EXT1: variants seen among roughly 807,000 people sequenced by gnomAD.
EXT1 encodes the protein exostosin glycosyltransferase 1.
In EXT1, 20 loss-of-function variants were observed where a neutral mutation model predicts 82.5. That is an observed-to-expected ratio of 0.24 (90% CI 0.17 to 0.35). The LOEUF (loss-of-function observed/expected upper bound fraction) is 0.35. Among genes scored for constraint, EXT1 ranks in the 10% least tolerant of loss-of-function variants. EXT1 has a pLI of 1.00. For synonymous variants in EXT1, 348 were observed against 350.8 expected, an observed-to-expected ratio of 0.99 and a Z score of 0.09; for missense variants, 757 against 936.5, an observed-to-expected ratio of 0.81 and a Z score of 2.50.
Position 117,921,358 on chromosome 8 carries a change from G to T in EXT1, c.963-84157C>A, listed in dbSNP as rs11562779. Among the ~76,000 whole-genome samples, 974 of 152,248 alleles carry T rather than the reference G, an allele frequency of 6.4e-3. 12 individuals are homozygous for T. Among genetic ancestry groups the T allele is most frequent in the African/African-American group, 0.021 (881 of 41,524 alleles). On this transcript the variant is annotated intron_variant, in intron 1 of 10. Coordinates refer to ENST00000378204, the MANE Select transcript of EXT1 (RefSeq NM_000127.3). The stretch of plus-strand genomic sequence containing the variant: ...CAGACCCAGTGAGACACATAAAAGG[G>T]AATCCTGTCACTCATCAAAGACAGA...
intron 1 of EXT1, among the ~76,000 whole-genome samples, chr8:117,960,388 T>A (rs1478261729): frequency 6.6e-6 from 1 of 152,226 alleles, no homozygotes; most frequent in African/African-American, 2.4e-5. Flanking sequence ...ACCTCAACTT[T>A]GCTTTCTTTG....
At chr8:118,040,502 G>C (rs1284433251) in intron 1 of EXT1, among the ~76,000 whole-genome samples, 1 of 152,156 alleles carries the variant, frequency 6.6e-6, no homozygotes, top group Non-Finnish European at 1.5e-5. Flanking sequence ...AACTCTGTCA[G>C]TGGACATTTC....
At chr8:117,934,382 G>A (rs777225643) in intron 1 of EXT1, among the ~76,000 whole-genome samples, 4 of 152,238 alleles carry the variant, frequency 2.6e-5, no homozygotes, top group South Asian at 2.1e-4. Flanking sequence ...CAGTCCATGC[G>A]CCTCTGGTAG....
chr8:117,918,072 T>C (rs1813788229), intron 1 of EXT1, among the ~76,000 whole-genome samples: 1 of 152,130 alleles, frequency 6.6e-6, no homozygotes, highest in African/African-American at 2.4e-5. Flanking sequence ...GCCAAATGAC[T>C]TCCTTGCTGA....
chr8:117,808,642 T>C (rs1411771827), intron 8 of EXT1, among the ~76,000 whole-genome samples: 3 of 152,194 alleles, frequency 2.0e-5, no homozygotes, highest in African/African-American at 4.8e-5. Context: ...GTCCTGGCAC[T>C]GTGATGGTAG....
At chr8:117,874,916 G>C (rs1812940493) in intron 1 of EXT1, among the ~76,000 whole-genome samples, 1 of 152,204 alleles carries the variant, frequency 6.6e-6, no homozygotes, top group Admixed American at 6.5e-5. Flanking sequence ...TTTGACAATA[G>C]TGTTAGCCAG....
intron 1 of EXT1, among the ~76,000 whole-genome samples, chr8:117,948,320 C>CACA (rs1814427015): frequency 1.9e-5 from 1 of 51,926 alleles, no homozygotes; most frequent in Non-Finnish European, 4.2e-5. Flanking sequence ...CTGCCCTTGC[C>CACA]AAAAAAAAAA....
chr8:118,014,056 C>G (rs914041904), intron 1 of EXT1, among the ~76,000 whole-genome samples: 1 of 152,154 alleles, frequency 6.6e-6, no homozygotes, highest in African/African-American at 2.4e-5. Context: ...TAACACCTCA[C>G]AGGGCTGTGC....
intron 1 of EXT1, among the ~76,000 whole-genome samples, chr8:117,905,069 T>C (rs1030092872): frequency 6.6e-5 from 10 of 152,130 alleles, no homozygotes; most frequent in African/African-American, 2.4e-4. Flanking sequence ...TAAAAGAACA[T>C]TCCATTTCTA....
chr8:117,879,822 T>C (rs1813031549), intron 1 of EXT1, among the ~76,000 whole-genome samples: 3 of 152,190 alleles, frequency 2.0e-5, no homozygotes, highest in Admixed American at 1.3e-4. Flanking sequence ...CAGATTTGAG[T>C]TGGTATTATT....
chr8:117,989,692 T>G (rs2129785032), intron 1 of EXT1, among the ~76,000 whole-genome samples: 1 of 152,314 alleles, frequency 6.6e-6, no homozygotes, highest in Non-Finnish European at 1.5e-5. Context: ...GAAGTCAGTT[T>G]TCAGCATCAA....
At chr8:117,853,509 A>G (rs1342281908) in intron 1 of EXT1, among the ~76,000 whole-genome samples, 1 of 152,210 alleles carries the variant, frequency 6.6e-6, no homozygotes, top group Non-Finnish European at 1.5e-5. Flanking sequence ...TGTTGATCAT[A>G]TCAGAGCATT....
chr8:117,996,649 T>C (rs1815543537), intron 1 of EXT1, among the ~76,000 whole-genome samples: 1 of 152,196 alleles, frequency 6.6e-6, no homozygotes, highest in African/African-American at 2.4e-5. Flanking sequence ...TTGGAGTAAT[T>C]TGTAATGCAG....
chr8:118,032,684 A>G (rs997851335), intron 1 of EXT1, among the ~76,000 whole-genome samples: 7 of 151,632 alleles, frequency 4.6e-5, no homozygotes, highest in East Asian at 1.9e-4. Flanking sequence ...CTAATTTTGT[A>G]TTTTTAGTAG....
intron 1 of EXT1, among the ~76,000 whole-genome samples, chr8:117,928,989 T>C (rs914774059): frequency 8.5e-5 from 13 of 152,182 alleles, no homozygotes; most frequent in African/African-American, 2.9e-4. Context: ...GTTGATTAAA[T>C]AGCTTCCCAG....
In EXT1 at chr8:117,926,609, C is replaced by T. The variant is rs11562826; in HGVS notation, c.963-89408G>A. On this transcript the variant is annotated intron_variant, in intron 1 of 10. Transcript: ENST00000378204. Reference sequence around the variant, plus strand: ...TTCAAATGACCCAAATGCATTCGCTCGTAAGGGCAATTTGCTTCTAGGAAA... The same window carrying T: ...TTCAAATGACCCAAATGCATTCGCTTGTAAGGGCAATTTGCTTCTAGGAAA... Among the ~76,000 whole-genome samples the T allele has an allele frequency of 8.7e-4, 132 of 152,196 alleles. 3 individuals carry two copies. In the East Asian group the frequency reaches 0.02, roughly 23 times the overall value.
At chr8:117,804,969 C>T (rs1180224521) in intron 9 of EXT1, 76 bp from the exon 10 acceptor site, 27 of 1,374,336 alleles carry the variant, frequency 2.0e-5, no homozygotes, top group Non-Finnish European at 2.6e-5. Context: ...ACAGAAAACA[C>T]ATACCCATTC....
chr8:117,801,421 A>G (rs951878276), intron 10 of EXT1, among the ~76,000 whole-genome samples: 1 of 152,208 alleles, frequency 6.6e-6, no homozygotes, highest in Non-Finnish European at 1.5e-5. Flanking sequence ...TATCAAATGG[A>G]GCTGACTGGT....
chr8:117,903,578 T>A (rs1020315584), intron 1 of EXT1, among the ~76,000 whole-genome samples: 2 of 152,250 alleles, frequency 1.3e-5, no homozygotes, highest in Non-Finnish European at 2.9e-5. Flanking sequence ...TGAATTAATA[T>A]GGCATTCCAG....
Sources: allele counts gnomAD v4.1 joint callset (sites outside exome capture counted in the v4.1 genomes callset), GRCh38; gene constraint gnomAD v4.1.1; transcripts MANE v1.5; gene names NCBI Gene and HGNC (gene_info 2026-07-23, HGNC 2026-07-21).